WNK1: variants seen among roughly 807,000 people sequenced by gnomAD.
The protein encoded by WNK1 is WNK lysine deficient protein kinase 1.
WNK1 carries 38 observed loss-of-function variants against 222.8 expected under a neutral mutation model. The observed-to-expected ratio is 0.17, with a 90% confidence interval of 0.13 to 0.22. The LOEUF (loss-of-function observed/expected upper bound fraction) is 0.22. Ranked by LOEUF, WNK1 falls within the 10% of genes least tolerant of loss-of-function variation. The pLI is 1.00. For missense variants in WNK1, 2,348 were observed against 2,918.4 expected (o/e 0.80, Z 4.50); for synonymous variants, 1,090 against 1,092.9 (o/e 1.00, Z 0.05).
At chr12:896,787 C>A in intron 24 of WNK1, 55 bp downstream of exon 24, 1 of 1,573,500 alleles carries the variant, frequency 6.4e-7, no homozygotes, top group South Asian at 1.1e-5. Context: ...AGACCTAGAT[C>A]CCAGGGCCAA....
intron 1 of WNK1, among the ~76,000 whole-genome samples, chr12:788,534 A>G (rs1005469043): frequency 6.6e-6 from 1 of 152,238 alleles, no homozygotes; most frequent in Admixed American, 6.5e-5. Flanking sequence ...AATAACCAGC[A>G]AAAGCTGATA....
intron 4 of WNK1, among the ~76,000 whole-genome samples, 164 bp downstream of exon 4, chr12:830,324 A>G (rs1195914996): frequency 6.6e-6 from 1 of 152,162 alleles, no homozygotes; most frequent in African/African-American, 2.4e-5. Flanking sequence ...GCTATTGCTC[A>G]TGATACAGTG....
chr12:879,471 T>TTCTTTTTGGCTAATACATAAA, intron 10 of WNK1, 102 bp from the exon 11 acceptor site: 3 of 749,698 alleles, frequency 4.0e-6, no homozygotes, highest in South Asian at 2.0e-5. Context: ...TGTTTTTTCC[T>TTCTTTTTGGCTAATACATAAA]TCTTTTTGGC....
At chr12:771,845 G>A (rs1218760933) in intron 1 of WNK1, among the ~76,000 whole-genome samples, 1 of 152,058 alleles carries the variant, frequency 6.6e-6, no homozygotes, top group East Asian at 1.9e-4. Context: ...AGACTGGGTT[G>A]CACACTGTCA....
intron 1 of WNK1, among the ~76,000 whole-genome samples, chr12:806,373 G>C (rs1382802472): frequency 6.6e-6 from 1 of 152,152 alleles, no homozygotes; most frequent in Non-Finnish European, 1.5e-5. Context: ...TGATGTAATG[G>C]AGCATTTTCC....
chr12:845,612 G>A (rs993783535), intron 4 of WNK1, among the ~76,000 whole-genome samples: 1 of 152,192 alleles, frequency 6.6e-6, no homozygotes, highest in Non-Finnish European at 1.5e-5. Context: ...GAGACCTTGA[G>A]CAAATTATTT....
intron 1 of WNK1, 85 bp from the exon 2 acceptor site, chr12:813,557 A>G: frequency 7.2e-7 from 1 of 1,387,372 alleles, no homozygotes; most frequent in Non-Finnish European, 1.0e-6. Flanking sequence ...ATCATGATTT[A>G]GTAATGTTTA....
rs2154082875 is a variant in WNK1 at position 883,260 on chromosome 12, TAAAAA to T, written c.3490-134_3490-130del. ...ATGTCTAACTAGATATTGAAGTTCT[TAAAAA>T]GAGAAGAGCTAACTTGAGTACAAAA... On this transcript the variant is annotated intron_variant, in intron 15 of 27. Coordinates refer to ENST00000315939, the MANE Select transcript of WNK1 (RefSeq NM_018979.4). 14 of 1,151,492 alleles carry T rather than the reference TAAAAA, an allele frequency of 1.2e-5. No homozygotes were observed. In the South Asian group the frequency reaches 1.8e-4, roughly 15 times the overall value. The allele number at this position is 1,151,492 out of a possible 1,614,324, so 71.3% of individuals were successfully genotyped here.
At chr12:889,465 T>C (rs934689544) in intron 21 of WNK1, among the ~76,000 whole-genome samples, 1 of 152,208 alleles carries the variant, frequency 6.6e-6, no homozygotes, top group South Asian at 2.1e-4. Context: ...GATTGTGCCA[T>C]AGATCAATTC....
Position 881,683 on chromosome 12 carries a change from G to C in WNK1, c.3112-9G>C. On this transcript the variant is annotated splice_polypyrimidine_tract_variant and intron_variant, in intron 12 of 27. Transcript: ENST00000315939. Reference sequence around the variant, plus strand: ...CTACCGAGATTTGAGTTATCTTTTCGATTCACAGAGTACTCAGGGAGTCTC... The same window carrying C: ...CTACCGAGATTTGAGTTATCTTTTCCATTCACAGAGTACTCAGGGAGTCTC... 6.2e-7 allele frequency: 1 copy of C among 1,608,140 alleles called. No individual in the cohort carries two copies. The highest frequency in any genetic ancestry group is 1.3e-5 in the African/African-American group (1 of 74,906).
intron 4 of WNK1, among the ~76,000 whole-genome samples, chr12:833,237 G>A (rs533618701): frequency 6.6e-6 from 1 of 152,016 alleles, no homozygotes; most frequent in East Asian, 1.9e-4. Context: ...CTTCCTTACT[G>A]CACACCTTGC....
chr12:794,502 A>ATTT (rs76061362), intron 1 of WNK1, among the ~76,000 whole-genome samples: 8 of 148,112 alleles, frequency 5.4e-5, no homozygotes, highest in Non-Finnish European at 1.0e-4. Flanking sequence ...AGTTGGTTGA[A>ATTT]TTTTTTTTTT....
chr12:786,830 A>G (rs1944356045), intron 1 of WNK1, among the ~76,000 whole-genome samples: 1 of 152,082 alleles, frequency 6.6e-6, no homozygotes, highest in Non-Finnish European at 1.5e-5. Context: ...CAGTGTTTAG[A>G]CTTTTTTTTA....
At chr12:817,285 G>A (rs916637961) in intron 2 of WNK1, among the ~76,000 whole-genome samples, 9 of 152,112 alleles carry the variant, frequency 5.9e-5, no homozygotes, top group African/African-American at 1.7e-4. Context: ...GCAATGAGCC[G>A]AGATCGTGCC....
chr12:812,722 G>T (rs1056361774), intron 1 of WNK1, among the ~76,000 whole-genome samples: 3 of 151,972 alleles, frequency 2.0e-5, no homozygotes, highest in African/African-American at 7.3e-5. Flanking sequence ...ACATTGCCCA[G>T]AAAGTAGCAT....
At chr12:826,729 G>A (rs527547209) in intron 2 of WNK1, among the ~76,000 whole-genome samples, 48 of 152,028 alleles carry the variant, frequency 3.2e-4, no homozygotes, top group African/African-American at 1.1e-3. Flanking sequence ...AATATTTTTG[G>A]CTCTGAAATA....
At position 867,940 on chromosome 12, in the gene WNK1, T is replaced by C; in HGVS notation, c.2140-3325T>C. ...CACAGATATTTTTCCCAACTATTCATGAACGTCCAGTTTCTTTTTCACCAC... is the reference window on the plus strand; with the variant it reads ...CACAGATATTTTTCCCAACTATTCACGAACGTCCAGTTTCTTTTTCACCAC... On this transcript the variant is annotated intron_variant, in intron 8 of 27. Coordinates refer to ENST00000315939, the MANE Select transcript of WNK1 (RefSeq NM_018979.4). 2.2e-5 allele frequency: 35 copies of C among 1,614,036 alleles called. No homozygotes were observed. The highest frequency in any genetic ancestry group is 2.9e-5 in the Non-Finnish European group (34 of 1,179,898).
rs1029458301 is a variant in WNK1 at position 753,125 on chromosome 12, C to T, written c.-441C>T. On this transcript the variant is annotated 5_prime_UTR_variant, in exon 1 of 28. Transcript: ENST00000315939. This position sits in a 1 kb window ranked among gnomAD's most constrained non-coding sequence, Gnocchi z 5.2. ...GGTCCCGTGCTCGCGGTGCCGCCGC[C>T]CTCTGGGCCTAGCCCGCCCAGCTCG... The T allele has an allele frequency of 1.9e-5, 3 of 154,646 alleles. No homozygotes were observed. Among genetic ancestry groups the T allele is most frequent in the East Asian group, 3.8e-4 (2 of 5,228 alleles). 9.6% of individuals were successfully genotyped at this position (154,646 alleles called of 1,614,324 possible).
At chr12:853,652 A>C (rs1950560674) in intron 4 of WNK1, among the ~76,000 whole-genome samples, 1 of 152,256 alleles carries the variant, frequency 6.6e-6, no homozygotes, top group African/African-American at 2.4e-5. Context: ...TGCTAGATTA[A>C]AACAGAAGAA....
Sources: gnomAD v4.1 joint callset for allele counts (sites outside exome capture counted in the v4.1 genomes callset) on GRCh38, gnomAD v4.1.1 for gene constraint, Gnocchi (gnomAD v3.1) non-coding constraint, MANE v1.5 for transcripts, NCBI Gene and HGNC (gene_info 2026-07-23, HGNC 2026-07-21) for gene names.